CENPM: variants seen among roughly 807,000 people sequenced by gnomAD.
CENPM encodes interphase centromere complex protein 39.
A neutral mutation model predicts 19.6 loss-of-function variants in CENPM; 14 were observed. That is an observed-to-expected ratio of 0.71 (90% CI 0.47 to 1.11). CENPM has a LOEUF of 1.11. Ranked by LOEUF, CENPM falls within the 50% of genes most tolerant of loss-of-function variation. CENPM has a pLI of 0.00. For synonymous variants in CENPM, 114 were observed against 101.5 expected, an observed-to-expected ratio of 1.12 and a Z score of -0.74; for missense variants, 239 against 228.4, an observed-to-expected ratio of 1.05 and a Z score of -0.30.
Position 41,938,890 on chromosome 22 carries a change from C to T in CENPM, c.*166G>A. The T allele has an allele frequency of 1.2e-6, 1 of 830,868 alleles. No individual in the cohort carries two copies. Among genetic ancestry groups the T allele is most frequent in the Non-Finnish European group, 1.8e-6 (1 of 546,520 alleles). 51.5% of individuals were successfully genotyped at this position (830,868 alleles called of 1,614,324 possible). On this transcript the variant is annotated 3_prime_UTR_variant, in exon 6 of 6. Coordinates refer to ENST00000215980, the MANE Select transcript of CENPM (RefSeq NM_024053.5). ...TCTCGCCAGCTGGGCCCCCTCGCTG[C>T]TTCTGCCCAGCTCTCCCTGCTGCAG...
intron 4 of CENPM, chr22:41,944,916 T>G (rs1474848827): frequency 8.3e-7 from 1 of 1,210,766 alleles, no homozygotes; most frequent in Non-Finnish European, 1.0e-6. Flanking sequence ...TGTGTATATG[T>G]GTTCTTTCGG....
chr22:41,932,846 G>A, the CENPM span, among the ~76,000 whole-genome samples: 6 of 152,198 alleles, frequency 3.9e-5, no homozygotes, highest in Non-Finnish European at 7.3e-5. This position sits in a 1 kb window ranked among gnomAD's most constrained non-coding sequence, Gnocchi z 4.3. Context: ...CGCAGAGGCC[G>A]ACCCCTGCGC....
intron 5 of CENPM, chr22:41,940,094 G>A (rs771158945): frequency 1.8e-5 from 13 of 738,482 alleles, no homozygotes; most frequent in Middle Eastern, 2.3e-4. Flanking sequence ...ACCCCAACCC[G>A]CCCTTTGCTA....
intron 4 of CENPM, 90 bp from the exon 5 acceptor site, chr22:41,943,791 C>T: frequency 8.9e-7 from 1 of 1,126,360 alleles, no homozygotes; most frequent in Non-Finnish European, 1.3e-6. Flanking sequence ...CACTTCCCCA[C>T]TCTGGGGCTC....
downstream of CENPM, chr22:41,938,585 G>A (rs372597671): frequency 2.0e-5 from 3 of 153,592 alleles, no homozygotes; most frequent in South Asian, 6.0e-4. Flanking sequence ...GGATGGTCTC[G>A]AATTCCTGAC....
intron 4 of CENPM, 89 bp from the exon 5 acceptor site, chr22:41,943,790 A>T: frequency 8.8e-7 from 1 of 1,136,422 alleles, no homozygotes; most frequent in South Asian, 1.5e-5. Flanking sequence ...TCACTTCCCC[A>T]CTCTGGGGCT....
At chr22:41,927,447 C>A in the CENPM span, among the ~76,000 whole-genome samples, 2 of 152,176 alleles carry the variant, frequency 1.3e-5, no homozygotes, top group Non-Finnish European at 2.9e-5. Flanking sequence ...TCTCCCCCAA[C>A]CCACCTGTCT....
chr22:41,934,332 G>A (rs73165141), downstream of CENPM, among the ~76,000 whole-genome samples: 8,638 of 152,304 alleles, frequency 0.057, 305 homozygotes, highest in Non-Finnish European at 0.079. Flanking sequence ...ACAGCCAGGT[G>A]GAATGAGGGG....
chr22:41,946,514 GC>G lies in CENPM; in HGVS notation c.58-19del. On this transcript the variant is annotated intron_variant, in intron 1 of 5. Coordinates refer to ENST00000215980, the MANE Select transcript of CENPM (RefSeq NM_024053.5). ...CCCACCAGCTGCGCAGGGAGAGAGA[GC>G]GGACAGTCGAGCCCTAGGCACAGCA... The G allele has an allele frequency of 6.2e-7, 1 of 1,610,510 alleles. No individual in the cohort carries two copies. Among genetic ancestry groups the G allele is most frequent in the Non-Finnish European group, 8.5e-7 (1 of 1,178,246 alleles).
chr22:41,939,253 C>T, intron 5 of CENPM, 57 bp from the exon 6 acceptor site: 3 of 1,532,144 alleles, frequency 2.0e-6, no homozygotes, highest in Non-Finnish European at 1.8e-6. Context: ...CTCCCTTACC[C>T]AGAGCAGCTG....
chr22:41,942,185 G>A (rs2077746797), intron 5 of CENPM, among the ~76,000 whole-genome samples: 1 of 152,214 alleles, frequency 6.6e-6, no homozygotes, highest in African/African-American at 2.4e-5. Flanking sequence ...GTTTCCAAAG[G>A]AATGGAGCAG....
At chr22:41,945,126 G>C (rs772554903) in intron 4 of CENPM, 99 bp downstream of exon 4, 1 of 1,583,158 alleles carries the variant, frequency 6.3e-7, no homozygotes, top group Non-Finnish European at 8.6e-7. Flanking sequence ...TAAAATACAT[G>C]CTCTTTCCAT....
chr22:41,928,194 C>A, the CENPM span: 1 of 418,370 alleles, frequency 2.4e-6, no homozygotes, highest in Non-Finnish European at 4.8e-6. This position sits in a 1 kb window ranked among gnomAD's most constrained non-coding sequence, Gnocchi z 4.0. Flanking sequence ...GGAACTGTGA[C>A]TGCAGTGGAG....
Position 41,939,074 on chromosome 22 carries a change from G to C in CENPM, c.525C>G (p.Pro175=). The C allele has an allele frequency of 1.2e-6, 2 of 1,613,072 alleles. No homozygotes were observed. Among genetic ancestry groups the C allele is most frequent in the Non-Finnish European group, 1.7e-6 (2 of 1,179,976 alleles). Residue 175 remains proline (P), a synonymous_variant, in exon 6 of 6, where the codon CCC becomes CCG. Coordinates refer to ENST00000215980, the MANE Select transcript of CENPM (RefSeq NM_024053.5). The part of the protein sequence containing the change: ...LLSLLRSSEG[P]SLEDL ...GCCACCCTCACAGGTCCTCCAGGGA[G>C]GGGCCCTCAGAGCTTCTCAGCAGGG... is the stretch of plus-strand genomic sequence containing the variant.
chr22:41,927,962 G>A, the CENPM span, among the ~76,000 whole-genome samples: 1 of 152,218 alleles, frequency 6.6e-6, no homozygotes, highest in African/African-American at 2.4e-5. Flanking sequence ...ATGGTGAAGT[G>A]TTTGCCAGAT....
At chr22:41,946,868 AAT>A (rs2077811471) in intron 1 of CENPM, 150 bp downstream of exon 1, 1 of 718,402 alleles carries the variant, frequency 1.4e-6, no homozygotes, top group East Asian at 2.7e-5. Context: ...CGGCTACTCC[AAT>A]TGGTTCAGAG....
At chr22:41,928,235 C>A in the CENPM span, 1 of 346,094 alleles carries the variant, frequency 2.9e-6, no homozygotes, top group Non-Finnish European at 5.8e-6. This position sits in a 1 kb window ranked among gnomAD's most constrained non-coding sequence, Gnocchi z 4.0. Flanking sequence ...TCCTTTTCTC[C>A]AGGGCTATGT....
intron 5 of CENPM, chr22:41,940,080 C>A: frequency 1.4e-6 from 1 of 723,154 alleles, no homozygotes; most frequent in Non-Finnish European, 2.6e-6. Context: ...TTCCTGATTT[C>A]TCCACCCCAA....
At chr22:41,946,165 G>T in intron 2 of CENPM, 160 bp from the exon 3 acceptor site, 1 of 707,892 alleles carries the variant, frequency 1.4e-6, no homozygotes, top group Non-Finnish European at 2.5e-6. Context: ...CAGCACAGAG[G>T]CAGGACAGGT....
Sources: gnomAD v4.1 joint callset for allele counts (sites outside exome capture counted in the v4.1 genomes callset) on GRCh38, gnomAD v4.1.1 for gene constraint, Gnocchi (gnomAD v3.1) non-coding constraint, MANE v1.5 for transcripts, NCBI Gene and HGNC (gene_info 2026-07-23, HGNC 2026-07-21) for gene names.